Variants in KDM6B observed in about 807,000 individuals in gnomAD.
The protein encoded by KDM6B is lysine demethylase 6B, also known as lysine-specific demethylase 6B.
A neutral mutation model predicts 150.4 loss-of-function variants in KDM6B; 22 were observed. That is an observed-to-expected ratio of 0.15 (90% confidence interval 0.10 to 0.21). The LOEUF (loss-of-function observed/expected upper bound fraction) is 0.21, where lower values mean the gene tolerates loss of function less well. KDM6B is among the 10% of genes least tolerant of loss of function. KDM6B has a pLI of 1.00. For synonymous variants in KDM6B, 1,148 were observed against 921.1 expected (o/e 1.25, Z -4.46); for missense variants, 1,984 against 2,234.3 (o/e 0.89, Z 2.26).
At position 7,853,542 on chromosome 17, in the gene KDM6B, T is replaced by C. The variant is rs1009134139; in HGVS notation, c.*21T>C. 13 of 1,427,496 alleles carry C rather than the reference T, an allele frequency of 9.1e-6. No individual in the cohort carries two copies. Among genetic ancestry groups the C allele is most frequent in the East Asian group, 3.1e-5 (1 of 32,112 alleles). The allele number at this position is 1,427,496 out of a possible 1,614,324, so 88.4% of individuals were successfully genotyped here. A position where few individuals can be genotyped will look rare whatever the true frequency, so the allele number is the denominator to read the frequency against. On this transcript the variant is annotated 3_prime_UTR_variant, in exon 24 of 24. Coordinates refer to ENST00000448097, the MANE Select transcript of KDM6B (RefSeq NM_001348716.2). ...GATGAGGCCGGACGCCCCGCCCGCC[T>C]GCCTGCCCGCGCAAGGCGCCGCGGG...
In KDM6B at chr17:7,847,213, CG is replaced by C; in HGVS notation, c.1019del (p.Arg340ProfsTer147). The C allele has an allele frequency of 6.3e-7, 1 of 1,597,566 alleles. No homozygotes were observed. The highest frequency in any genetic ancestry group is 8.5e-7 in the Non-Finnish European group (1 of 1,174,988). On this transcript the variant is annotated frameshift_variant, in exon 11 of 24. Coordinates refer to ENST00000448097, the MANE Select transcript of KDM6B (RefSeq NM_001348716.2). LOFTEE classifies it high-confidence loss of function. ...VPAAPPGPGP[R>X]PPGAESHGCL... ...GGCTGCTCCCCCAGGCCCAGGCCCCCGCCCCCCAGGAGCAGAGAGCCATGGC... is the reference window on the plus strand; with the variant it reads ...GGCTGCTCCCCCAGGCCCAGGCCCCCCCCCCCAGGAGCAGAGAGCCATGGC...
chr17:7,837,272 G>A (rs777555174), intron 1 of KDM6B, among the ~76,000 whole-genome samples: 1 of 151,190 alleles, frequency 6.6e-6, no homozygotes, highest in Non-Finnish European at 1.5e-5. Flanking sequence ...AAAGACGGAA[G>A]AGTTGTGTGT....
Position 7,853,491 on chromosome 17 carries a change from C to A in KDM6B, c.4909-7C>A. ...TCCCTGAGCCCCCGCCGGCTTTCTC[C>A]CCCCAGGCCCCAGCCAGCACGTCGC... On this transcript the variant is annotated splice_region_variant and splice_polypyrimidine_tract_variant and intron_variant, in intron 23 of 23. Transcript: ENST00000448097. The A allele has an allele frequency of 6.7e-7, 1 of 1,502,832 alleles. No homozygotes were observed. Among genetic ancestry groups the A allele is most frequent in the Non-Finnish European group, 8.8e-7 (1 of 1,133,336 alleles). 93.1% of individuals were successfully genotyped at this position (1,502,832 alleles called of 1,614,324 possible).
chr17:7,853,181 C>T, intron 22 of KDM6B, 29 bp from the exon 23 acceptor site: 3 of 1,613,878 alleles, frequency 1.9e-6, no homozygotes, highest in East Asian at 2.2e-5. Context: ...CCCTCCCTCC[C>T]CCTGACTGCA....
At chr17:7,838,112 G>A (rs766659626) in intron 1 of KDM6B, among the ~76,000 whole-genome samples, 2 of 147,588 alleles carry the variant, frequency 1.4e-5, no homozygotes, top group African/African-American at 2.5e-5. Flanking sequence ...GCCCCCTCCC[G>A]TGTTGATCTC....
At chr17:7,840,986 G>C (rs1367954865) in intron 2 of KDM6B, among the ~76,000 whole-genome samples, 1 of 152,168 alleles carries the variant, frequency 6.6e-6, no homozygotes, top group Non-Finnish European at 1.5e-5. Flanking sequence ...GAGTAGGACA[G>C]AGGCAGTACA....
rs1309357863 is a variant in KDM6B at position 7,835,809 on chromosome 17, C to CT, written c.-388+1459_-388+1460insT. Among the ~76,000 whole-genome samples, 3 of 150,688 alleles carry CT rather than the reference C, an allele frequency of 2.0e-5. No homozygotes were observed. The East Asian group carries it at 6.2e-4, about 31-fold the overall frequency. ...TTGCGCCTGCGCGGCGAGCCGGGCG[C>CT]CCCCCTCCCCTCGTGGAGTCTGTGT... On this transcript the variant is annotated intron_variant, in intron 1 of 23. Coordinates refer to ENST00000448097, the MANE Select transcript of KDM6B (RefSeq NM_001348716.2).
intron 2 of KDM6B, among the ~76,000 whole-genome samples, chr17:7,840,855 G>A (rs2078403769): frequency 6.6e-6 from 1 of 152,190 alleles, no homozygotes; most frequent in African/African-American, 2.4e-5. Context: ...TCTGAGATTT[G>A]CTGCACAGCC....
At position 7,847,651 on chromosome 17, in the gene KDM6B, G is replaced by A. The variant is rs2078585222; in HGVS notation, c.1363G>A (p.Ala455Thr). Residue 455 changes from alanine (A) to threonine (T), a missense_variant, in exon 12 of 24, where the codon GCC becomes ACC. Coordinates refer to ENST00000448097, the MANE Select transcript of KDM6B (RefSeq NM_001348716.2). Reference sequence around the variant, plus strand: ...GAAACCGTTCTTGGGGGCTCCCGCTGCCACTCCCCACCTATCCCTGCCACC... The same window carrying A: ...GAAACCGTTCTTGGGGGCTCCCGCTACCACTCCCCACCTATCCCTGCCACC... Reference protein sequence around the residue: ...SRKPFLGAPAATPHLSLPPGP... With the variant: ...SRKPFLGAPATTPHLSLPPGP... 1 of 1,610,302 alleles carries A rather than the reference G, an allele frequency of 6.2e-7. No individual in the cohort carries two copies. The highest frequency in any genetic ancestry group is 1.1e-5 in the South Asian group (1 of 90,836).
chr17:7,854,101 C>T lies in KDM6B; in HGVS notation c.*580C>T, dbSNP rs191438558. Reference sequence around the variant, plus strand: ...TAATTTATAACAGTCCCACTCACCTCTATTTATTCATTTTTGGGAAAACCC... The same window carrying T: ...TAATTTATAACAGTCCCACTCACCTTTATTTATTCATTTTTGGGAAAACCC... On this transcript the variant is annotated 3_prime_UTR_variant, in exon 24 of 24. Coordinates refer to ENST00000448097, the MANE Select transcript of KDM6B (RefSeq NM_001348716.2). 2 of 152,542 alleles carry T rather than the reference C, an allele frequency of 1.3e-5. No individual in the cohort carries two copies. Among genetic ancestry groups the T allele is most frequent in the African/African-American group, 2.4e-5 (1 of 41,550 alleles). The allele number at this position is 152,542 out of a possible 1,614,324, so 9.4% of individuals were successfully genotyped here.
At chr17:7,853,440 G>A in intron 23 of KDM6B, 58 bp from the exon 24 acceptor site, 4 of 1,524,106 alleles carry the variant, frequency 2.6e-6, no homozygotes, top group East Asian at 2.5e-5. Context: ...CTGCAGGGAC[G>A]GGCTTCGGGA....
chr17:7,834,271 G>A lies in KDM6B; in HGVS notation c.-467G>A, dbSNP rs954018540. On this transcript the variant is annotated 5_prime_UTR_variant, in exon 1 of 24. Transcript: ENST00000448097. ...TGGGCGGAGCGGCCCCCCCAGCCCC[G>A]GCCTGGGAGAAGGGGGGGCCGCTCG... 2.6e-5 allele frequency among the ~76,000 whole-genome samples: 4 copies of A among 151,304 alleles called. No homozygotes were observed. Among genetic ancestry groups the A allele is most frequent in the African/African-American group, 7.3e-5 (3 of 41,228 alleles).
At chr17:7,845,142 C>G in intron 3 of KDM6B, 122 bp downstream of exon 3, 1 of 305,430 alleles carries the variant, frequency 3.3e-6, no homozygotes, top group East Asian at 8.3e-5. Flanking sequence ...GACTCCCAGC[C>G]ACACTCCTGG....
At position 7,845,648 on chromosome 17, in the gene KDM6B, C is replaced by A; in HGVS notation, c.94C>A (p.Pro32Thr). Residue 32 changes from proline (P) to threonine (T), a missense_variant, in exon 5 of 24, where the codon CCG becomes ACG. By Grantham distance (38) the Pro-to-Thr change is conservative. Around this residue, in one of 13 missense-constraint regions of KDM6B, gnomAD observed 337 missense variants for 323.9 expected, o/e 1.04. Transcript: ENST00000448097. Reference protein sequence around the residue: ...LSCAGAWSSCPPHPPPRSAWL... With the variant: ...LSCAGAWSSCTPHPPPRSAWL... ...CTGTGCTGGGGCCTGGAGCTCCTGC[C>A]CGCCTCATCCCCCTCCTCGTAGCGC... 6.2e-7 allele frequency: 1 copy of A among 1,614,152 alleles called. No individual in the cohort carries two copies. Among genetic ancestry groups the A allele is most frequent in the Non-Finnish European group, 8.5e-7 (1 of 1,180,024 alleles).
At chr17:7,846,377 G>GGGGCCCCCC in intron 7 of KDM6B, 23 bp from the exon 8 acceptor site, 1 of 1,479,450 alleles carries the variant, frequency 6.8e-7, no homozygotes, top group Non-Finnish European at 9.1e-7. Context: ...ATCTGCCCCT[G>GGGGCCCCCC]CCCCGTGTCC....
At chr17:7,847,476 G>A (rs553125163) in intron 11 of KDM6B, 24 bp downstream of exon 11, 38 of 1,613,450 alleles carry the variant, frequency 2.4e-5, no homozygotes, top group Admixed American at 1.3e-4. Context: ...GAGGGTGGAG[G>A]GGGGGATGGG....
At position 7,852,984 on chromosome 17, in the gene KDM6B, C is replaced by T; in HGVS notation, c.4611-16C>T. 1 of 1,613,678 alleles carries T rather than the reference C, an allele frequency of 6.2e-7. No individual in the cohort carries two copies. Among genetic ancestry groups the T allele is most frequent in the Non-Finnish European group, 8.5e-7 (1 of 1,180,008 alleles). Reference sequence around the variant, plus strand: ...CTCCTTGCCGGTGGTCTCAACACAACCCCACTGCTCCCCAGGTTCTGCCTG... The same window carrying T: ...CTCCTTGCCGGTGGTCTCAACACAATCCCACTGCTCCCCAGGTTCTGCCTG... On this transcript the variant is annotated splice_polypyrimidine_tract_variant and intron_variant, in intron 21 of 23. Transcript: ENST00000448097.
At position 7,853,185 on chromosome 17, in the gene KDM6B, G is replaced by T; in HGVS notation, c.4738-25G>T. 3 of 1,613,748 alleles carry T rather than the reference G, an allele frequency of 1.9e-6. No individual in the cohort carries two copies. In the South Asian group the frequency reaches 3.3e-5, roughly 18 times the overall value. On this transcript the variant is annotated intron_variant, in intron 22 of 23. Transcript: ENST00000448097. ...GTCCACAGTGGCCCTCCCTCCCCCT[G>T]ACTGCACTGTCCTCCCTGCCCCAGG...
intron 1 of KDM6B, among the ~76,000 whole-genome samples, chr17:7,836,173 G>C (rs1392516203): frequency 6.6e-6 from 1 of 152,228 alleles, no homozygotes; most frequent in Non-Finnish European, 1.5e-5. Flanking sequence ...AGCCCCGGAC[G>C]GCCCAGGTGA....
Sources: gnomAD v4.1 joint callset for allele counts (sites outside exome capture counted in the v4.1 genomes callset) on GRCh38, gnomAD v4.1.1 for gene constraint, gnomAD v4.1.1 regional missense constraint, MANE v1.5 for transcripts, NCBI Gene and HGNC (gene_info 2026-07-23, HGNC 2026-07-21) for gene names.